The following PLCXD2 variants were observed in gnomAD, a reference collection of about 807,000 sequenced individuals.
The protein encoded by PLCXD2 is PI-PLC X domain-containing protein 2.
A neutral mutation model predicts 28.6 loss-of-function variants in PLCXD2; 21 were observed. The ratio of observed to expected loss-of-function variants is 0.73; its 90% CI spans 0.52 to 1.06. PLCXD2 has a LOEUF of 1.06. Among genes scored for constraint, PLCXD2 ranks in the 50% least tolerant of loss-of-function variants. PLCXD2 has a pLI of 0.00. For missense variants in PLCXD2, 369 were observed against 376.7 expected (o/e 0.98, Z 0.17); for synonymous variants, 140 against 150.1 (o/e 0.93, Z 0.49).
intron 1 of PLCXD2, among the ~76,000 whole-genome samples, chr3:111,679,823 G>A (rs148057946): frequency 7.9e-5 from 12 of 152,270 alleles, no homozygotes; most frequent in Admixed American, 2.6e-4. Context: ...TTCTAGGAGC[G>A]ATTCTTTCAC....
chr3:111,726,374 TATGCCA>T (rs1445757773), intron 3 of PLCXD2: 23 of 152,532 alleles, frequency 1.5e-4, no homozygotes, highest in African/African-American at 5.5e-4. Context: ...TTTGTGTGTA[TATGCCA>T]ACTGTACTAC....
intron 1 of PLCXD2, among the ~76,000 whole-genome samples, chr3:111,697,401 AG>A (rs1408206688): frequency 6.6e-6 from 1 of 152,126 alleles, no homozygotes; most frequent in Non-Finnish European, 1.5e-5. Context: ...TGGGTGATAA[AG>A]CATATTGAGA....
At chr3:111,692,187 A>G (rs9844477) in intron 1 of PLCXD2, among the ~76,000 whole-genome samples, 8,662 of 152,086 alleles carry the variant, frequency 0.057, 461 homozygotes, top group African/African-American at 0.14. Flanking sequence ...GACTGCAGGC[A>G]CCCACCACCA....
At chr3:111,693,647 C>T (rs1467204496) in intron 1 of PLCXD2, among the ~76,000 whole-genome samples, 1 of 152,154 alleles carries the variant, frequency 6.6e-6, no homozygotes, top group Non-Finnish European at 1.5e-5. Context: ...CCTTCGAATG[C>T]CCCCAGATCG....
At chr3:111,678,930 G>T (rs1940668996) in intron 1 of PLCXD2, among the ~76,000 whole-genome samples, 1 of 151,950 alleles carries the variant, frequency 6.6e-6, no homozygotes, top group Non-Finnish European at 1.5e-5. Context: ...AATGAAGCAG[G>T]GTCTATTCAC....
Position 111,708,111 on chromosome 3 carries a change from G to T in PLCXD2, c.349G>T (p.Val117Leu). 1.2e-6 allele frequency: 2 copies of T among 1,614,228 alleles called. No individual in the cohort carries two copies. Among genetic ancestry groups the T allele is most frequent in the Non-Finnish European group, 1.7e-6 (2 of 1,180,048 alleles). ...TGGGATCCGCTACTTTGACCTGCGT[G>T]TGTCTTCCAAACCAGGGGATGCCGA... The change falls in exon 2 of 5, where the codon GTG (valine) becomes TTG (leucine). Residue 117 changes from valine to leucine, a missense_variant. Physicochemically the swap from Val to Leu is conservative, Grantham distance 32. Coordinates refer to ENST00000477665, the MANE Select transcript of PLCXD2 (RefSeq NM_001185106.1).
chr3:111,722,759 G>A (rs1405689120), intron 3 of PLCXD2: 2 of 152,248 alleles, frequency 1.3e-5, no homozygotes, highest in African/African-American at 4.8e-5. Context: ...CTTGCAGAGA[G>A]GGGTGTCCTA....
At chr3:111,692,077 T>C (rs1458705070) in intron 1 of PLCXD2, among the ~76,000 whole-genome samples, 1 of 152,260 alleles carries the variant, frequency 6.6e-6, no homozygotes, top group East Asian at 1.9e-4. Context: ...AGTCTGGCTC[T>C]GTCGCCCATG....
chr3:111,696,136 G>A (rs987342840), intron 1 of PLCXD2, among the ~76,000 whole-genome samples: 1 of 152,146 alleles, frequency 6.6e-6, no homozygotes, highest in Non-Finnish European at 1.5e-5. Flanking sequence ...GTCCTTCAGA[G>A]ATGGGAAAAA....
At chr3:111,725,306 G>A (rs914668411) in intron 3 of PLCXD2, 1 of 261,938 alleles carries the variant, frequency 3.8e-6, no homozygotes, top group Non-Finnish European at 7.1e-6. Flanking sequence ...TTCCACTAAT[G>A]TTCCAGGATA....
chr3:111,686,290 T>A (rs1292213593), intron 1 of PLCXD2, among the ~76,000 whole-genome samples: 1 of 152,210 alleles, frequency 6.6e-6, no homozygotes, highest in East Asian at 1.9e-4. Context: ...GACAGTGAGA[T>A]GCACCTTGGC....
In PLCXD2 at chr3:111,687,687, T is replaced by TC. The variant is rs113337510; in HGVS notation, c.163+12279_163+12280insC. ...TGGGTTTTTTCTTTCTTTCTTTCTT[T>TC]TTTTTTTTTTTGTTTTTGAGACAGG... is the stretch of plus-strand genomic sequence containing the variant. On this transcript the variant is annotated intron_variant, in intron 1 of 4. Transcript: ENST00000477665. Among the ~76,000 whole-genome samples, 886 of 148,134 alleles carry TC rather than the reference T, an allele frequency of 6.0e-3. 10 individuals carry two copies. Among genetic ancestry groups the TC allele is most frequent in the African/African-American group, 0.02 (808 of 40,796 alleles).
chr3:111,693,413 G>A (rs1040746895), intron 1 of PLCXD2, among the ~76,000 whole-genome samples: 6 of 152,178 alleles, frequency 3.9e-5, no homozygotes, highest in Admixed American at 3.3e-4. Context: ...GTGCTATTCT[G>A]AGCAACGTGA....
chr3:111,701,262 G>T (rs937593790), intron 1 of PLCXD2, among the ~76,000 whole-genome samples: 24 of 152,130 alleles, frequency 1.6e-4, no homozygotes, highest in Non-Finnish European at 4.4e-5. Context: ...GTGACAATAG[G>T]TACTATTGGC....
At chr3:111,684,391 T>A (rs1263022746) in intron 1 of PLCXD2, among the ~76,000 whole-genome samples, 1 of 150,140 alleles carries the variant, frequency 6.7e-6, no homozygotes, top group Non-Finnish European at 1.5e-5. Flanking sequence ...CAGTGGCTCA[T>A]GCCTGTAATA....
intron 1 of PLCXD2, among the ~76,000 whole-genome samples, chr3:111,702,779 A>G (rs976596204): frequency 1.3e-5 from 2 of 152,086 alleles, no homozygotes; most frequent in African/African-American, 4.8e-5. Flanking sequence ...TTATTCATAC[A>G]TTCCAGGACA....
At position 111,712,350 on chromosome 3, in the gene PLCXD2, A is replaced by G. The variant is rs182161786; in HGVS notation, c.625-1537A>G. Among the ~76,000 whole-genome samples the G allele has an allele frequency of 2.8e-3, 423 of 152,162 alleles. 1 individual carries two copies. The highest frequency in any genetic ancestry group is 9.0e-3 in the African/African-American group (373 of 41,522). ...CTGACAGGTCCTGTCACAGGGCTGC[A>G]CCGCCTCCCACCTCTCCCACGGTCC... is the stretch of plus-strand genomic sequence containing the variant. On this transcript the variant is annotated intron_variant, in intron 2 of 4. Transcript: ENST00000477665.
intron 1 of PLCXD2, among the ~76,000 whole-genome samples, chr3:111,693,103 C>A (rs1169886407): frequency 6.6e-6 from 1 of 152,088 alleles, no homozygotes; most frequent in African/African-American, 2.4e-5. Flanking sequence ...ATTGGGCTGG[C>A]CTCTGTTATC....
At chr3:111,712,218 C>A (rs939698423) in intron 2 of PLCXD2, among the ~76,000 whole-genome samples, 1 of 152,258 alleles carries the variant, frequency 6.6e-6, no homozygotes, top group South Asian at 2.1e-4. Flanking sequence ...GGCATAAAGA[C>A]CCTTTTGGAT....
Sources: allele counts gnomAD v4.1 joint callset (sites outside exome capture counted in the v4.1 genomes callset), GRCh38; gene constraint gnomAD v4.1.1; transcripts MANE v1.5; gene names NCBI Gene and HGNC (gene_info 2026-07-23, HGNC 2026-07-21).